The following RNF212B variants were observed in gnomAD, a reference collection of about 807,000 sequenced individuals.
The protein encoded by RNF212B is ring finger protein 212B.
RNF212B carries 52 observed loss-of-function variants against 55.5 expected under a neutral mutation model. That is an observed-to-expected ratio of 0.94 (90% CI 0.75 to 1.18). The LOEUF is 1.18. Ranked by LOEUF, RNF212B falls within the 50% of genes most tolerant of loss-of-function variation. The pLI is 0.00. For synonymous variants in RNF212B, 99 were observed against 121.4 expected, an observed-to-expected ratio of 0.82 and a Z score of 1.21; for missense variants, 289 against 350.4, an observed-to-expected ratio of 0.82 and a Z score of 1.40.
At chr14:23,253,099 C>T (rs1485129458) in intron 4 of RNF212B, among the ~76,000 whole-genome samples, 1 of 152,048 alleles carries the variant, frequency 6.6e-6, no homozygotes, top group Non-Finnish European at 1.5e-5. Flanking sequence ...TATTTTAAAG[C>T]CAAAACCAAA....
At chr14:23,267,111 G>A (rs1885759977) in intron 11 of RNF212B, among the ~76,000 whole-genome samples, 1 of 152,038 alleles carries the variant, frequency 6.6e-6, no homozygotes, top group Non-Finnish European at 1.5e-5. Context: ...TAGAACAAAA[G>A]GCATGCACCA....
intron 2 of RNF212B, among the ~76,000 whole-genome samples, chr14:23,232,184 G>A (rs1401400120): frequency 8.6e-5 from 13 of 151,080 alleles, no homozygotes; most frequent in Non-Finnish European, 1.5e-4. Flanking sequence ...CCGCCATCCC[G>A]TCTAAGAAGT....
rs115292557 is a variant in RNF212B at position 23,238,292 on chromosome 14, G to A, written c.-2+237G>A. ...TTTTTAGACTCACTTGCTGGTGAAAGTTAGTGTATCACGATCGAACAAATA... is the reference window on the plus strand; with the variant it reads ...TTTTTAGACTCACTTGCTGGTGAAAATTAGTGTATCACGATCGAACAAATA... On this transcript the variant is annotated intron_variant, in intron 1 of 14. Transcript: ENST00000430154. 4.5e-3 allele frequency among the ~76,000 whole-genome samples: 681 copies of A among 152,284 alleles called. 2 individuals are homozygous for A. The highest frequency in any genetic ancestry group is 0.015 in the African/African-American group (627 of 41,540).
At chr14:23,191,879 A>G (rs1489541494) in intron 1 of RNF212B, among the ~76,000 whole-genome samples, 2 of 152,234 alleles carry the variant, frequency 1.3e-5, no homozygotes, top group Non-Finnish European at 2.9e-5. Context: ...TGTATATTGA[A>G]TCTTTGGGAG....
intron 2 of RNF212B, among the ~76,000 whole-genome samples, chr14:23,208,428 T>TAG (rs1880074900): frequency 6.6e-6 from 1 of 152,052 alleles, no homozygotes; most frequent in African/African-American, 2.4e-5. Context: ...GCCCAGGAGT[T>TAG]CAAGACTGCA....
At chr14:23,212,505 G>A (rs568321373) in intron 2 of RNF212B, among the ~76,000 whole-genome samples, 1 of 152,150 alleles carries the variant, frequency 6.6e-6, no homozygotes, top group East Asian at 1.9e-4. Flanking sequence ...AGAAAAATCA[G>A]TTGTACTTCT....
At chr14:23,256,376 AT>A (rs11448890) in intron 4 of RNF212B, among the ~76,000 whole-genome samples, 29 of 146,524 alleles carry the variant, frequency 2.0e-4, no homozygotes, top group Non-Finnish European at 2.4e-4. Flanking sequence ...CCACTGTTTA[AT>A]TTTTTTTTTT....
At chr14:23,205,850 T>C (rs895439027) in intron 2 of RNF212B, among the ~76,000 whole-genome samples, 2 of 152,234 alleles carry the variant, frequency 1.3e-5, no homozygotes, top group African/African-American at 4.8e-5. Context: ...TACACAAGCA[T>C]AGATCATTCT....
At chr14:23,237,918 G>A (rs555008274), upstream of RNF212B, among the ~76,000 whole-genome samples, 32 of 152,084 alleles carry the variant, frequency 2.1e-4, no homozygotes, top group Admixed American at 1.8e-3. Flanking sequence ...CTCTCACACC[G>A]CCTCGGCTGC....
intron 1 of RNF212B, among the ~76,000 whole-genome samples, 32 bp downstream of exon 1, chr14:23,238,087 A>C (rs2140430640): frequency 6.6e-6 from 1 of 152,266 alleles, no homozygotes; most frequent in East Asian, 1.9e-4. Flanking sequence ...AGAACTGAGA[A>C]GCTTGAGACG....
chr14:23,263,386 T>A (rs1885443189), intron 9 of RNF212B, among the ~76,000 whole-genome samples: 1 of 152,202 alleles, frequency 6.6e-6, no homozygotes, highest in Non-Finnish European at 1.5e-5. Context: ...AGAATTTATC[T>A]GAAGATCCAC....
intron 4 of RNF212B, chr14:23,258,338 C>CAAAAAAAAA (rs1213381274): frequency 6.6e-6 from 1 of 150,400 alleles, no homozygotes. Context: ...AACTCTGTCT[C>CAAAAAAAAA]AAAAAAAAAA....
At chr14:23,239,548 G>T (rs529882120) in intron 1 of RNF212B, among the ~76,000 whole-genome samples, 8 of 152,164 alleles carry the variant, frequency 5.3e-5, no homozygotes, top group Non-Finnish European at 8.8e-5. Context: ...ATCACAGGAA[G>T]TAGTTAAAAA....
chr14:23,228,427 C>A (rs1395543258), intron 2 of RNF212B, among the ~76,000 whole-genome samples: 1 of 145,382 alleles, frequency 6.9e-6, no homozygotes. Flanking sequence ...GAGTTTGAGG[C>A]CAGCCTGGCC....
chr14:23,221,455 A>G (rs1881569394), intron 2 of RNF212B, among the ~76,000 whole-genome samples: 1 of 152,234 alleles, frequency 6.6e-6, no homozygotes, highest in African/African-American at 2.4e-5. Flanking sequence ...AATTGTAAGT[A>G]TATATGCACC....
intron 9 of RNF212B, among the ~76,000 whole-genome samples, chr14:23,263,273 A>G (rs1249989418): frequency 6.6e-6 from 1 of 152,226 alleles, no homozygotes; most frequent in East Asian, 1.9e-4. Context: ...CATGCTCCGA[A>G]CAGGGAAAGT....
At position 23,208,757 on chromosome 14, in the gene RNF212B, G is replaced by GTTTTTTTT. The variant is rs1166613606; in HGVS notation, c.-2+15368_-2+15375dup. Among the ~76,000 whole-genome samples, 568 of 98,096 alleles carry GTTTTTTTT rather than the reference G, an allele frequency of 5.8e-3. 68 individuals are homozygous for GTTTTTTTT. The highest frequency in any genetic ancestry group is 0.023 in the African/African-American group (500 of 21,884). 64.4% of individuals were successfully genotyped at this position (98,096 alleles called of 152,430 possible). On this transcript the variant is annotated intron_variant, in intron 2 of 15. Transcript: ENST00000399910. ...GCAGTCCCAAGGGCTGCTGGTTGCC[G>GTTTTTTTT]TTTTTTTTTTTTTTTTTTTGAGACG...
chr14:23,206,881 A>G (rs1879888246), intron 2 of RNF212B, among the ~76,000 whole-genome samples: 1 of 152,178 alleles, frequency 6.6e-6, no homozygotes, highest in East Asian at 1.9e-4. Context: ...AATTCAGATA[A>G]CTGAGAAGAA....
chr14:23,246,182 T>A (rs1020578493), intron 4 of RNF212B, among the ~76,000 whole-genome samples: 3 of 151,822 alleles, frequency 2.0e-5, no homozygotes, highest in Non-Finnish European at 2.9e-5. Flanking sequence ...TCACCCAGGC[T>A]GGAGTGCAGT....
Sources: allele counts gnomAD v4.1 joint callset (sites outside exome capture counted in the v4.1 genomes callset), GRCh38; gene constraint gnomAD v4.1.1; transcripts MANE v1.5; gene names NCBI Gene and HGNC (gene_info 2026-07-23, HGNC 2026-07-21).